TRPS1: variants seen among roughly 807,000 people sequenced by gnomAD.
TRPS1 encodes zinc finger transcription factor Trps1.
In TRPS1, 6 loss-of-function variants were observed where a neutral mutation model predicts 101.2. That is an observed-to-expected ratio of 0.06 (90% CI 0.03 to 0.12). TRPS1 has a LOEUF of 0.12. TRPS1 is among the 10% of genes least tolerant of loss of function. TRPS1 has a pLI of 1.00. For missense variants in TRPS1, 1,363 were observed against 1,567.0 expected, an observed-to-expected ratio of 0.87 and a Z score of 2.20; for synonymous variants, 578 against 589.8, an observed-to-expected ratio of 0.98 and a Z score of 0.29.
At chr8:115,480,433 A>G (rs1258603991) in intron 5 of TRPS1, among the ~76,000 whole-genome samples, 1 of 152,090 alleles carries the variant, frequency 6.6e-6, no homozygotes, top group Admixed American at 6.5e-5. Flanking sequence ...GTCAGTTGTA[A>G]TTTATGCTAT....
At chr8:115,442,491 C>T (rs1287558883) in intron 5 of TRPS1, among the ~76,000 whole-genome samples, 1 of 151,750 alleles carries the variant, frequency 6.6e-6, no homozygotes, top group Non-Finnish European at 1.5e-5. Context: ...TACATACATA[C>T]TTTCTTCTTG....
intron 1 of TRPS1, among the ~76,000 whole-genome samples, chr8:115,662,854 T>C (rs1053146876): frequency 6.6e-6 from 1 of 152,074 alleles, no homozygotes; most frequent in Non-Finnish European, 1.5e-5. Flanking sequence ...TTCATCTATT[T>C]TCCTTCCTCT....
At chr8:115,639,825 T>C (rs1818854925) in intron 1 of TRPS1, among the ~76,000 whole-genome samples, 1 of 152,114 alleles carries the variant, frequency 6.6e-6, no homozygotes, top group Non-Finnish European at 1.5e-5. Context: ...TGAGACCCTA[T>C]CTCAAAAATT....
intron 1 of TRPS1, among the ~76,000 whole-genome samples, chr8:115,650,083 C>T (rs1467855404): frequency 6.6e-6 from 1 of 152,204 alleles, no homozygotes; most frequent in African/African-American, 2.4e-5. Flanking sequence ...CGCCTACTCA[C>T]TTTCAACCAA....
chr8:115,481,455 C>T (rs1218553052), intron 5 of TRPS1, among the ~76,000 whole-genome samples: 1 of 151,538 alleles, frequency 6.6e-6, no homozygotes, highest in Non-Finnish European at 1.5e-5. Context: ...TTTTACTTGT[C>T]CTTAACTATC....
intron 5 of TRPS1, among the ~76,000 whole-genome samples, chr8:115,448,068 T>C (rs1384617844): frequency 2.0e-5 from 3 of 152,124 alleles, no homozygotes; most frequent in Non-Finnish European, 2.9e-5. Context: ...AAAGAAGATA[T>C]ATAGATTCAA....
intron 5 of TRPS1, among the ~76,000 whole-genome samples, chr8:115,526,858 A>T (rs1164422197): frequency 1.3e-5 from 2 of 152,144 alleles, no homozygotes; most frequent in Non-Finnish European, 2.9e-5. Context: ...TTGAACAATA[A>T]CTCAAACTTG....
At chr8:115,610,245 G>A (rs549702704) in intron 3 of TRPS1, among the ~76,000 whole-genome samples, 3 of 151,698 alleles carry the variant, frequency 2.0e-5, no homozygotes, top group Admixed American at 6.6e-5. Context: ...AAAAAGCTAA[G>A]TTGTTAAAAA....
At chr8:115,434,064 G>A (rs531903727) in intron 5 of TRPS1, among the ~76,000 whole-genome samples, 1 of 130 alleles carries the variant, frequency 7.7e-3, no homozygotes, top group South Asian at 0.17. Context: ...AAGTGAATAT[G>A]CAAAAGGCCA....
At chr8:115,483,328 G>T (rs543123571) in intron 5 of TRPS1, among the ~76,000 whole-genome samples, 22 of 151,918 alleles carry the variant, frequency 1.4e-4, no homozygotes, top group African/African-American at 4.8e-4. Context: ...GTCCAGGAGT[G>T]TAAGACCGGC....
chr8:115,501,271 A>G (rs1221942223), intron 5 of TRPS1, among the ~76,000 whole-genome samples: 1 of 152,202 alleles, frequency 6.6e-6, no homozygotes, highest in African/African-American at 2.4e-5. Context: ...AGGCCCAGTG[A>G]ACATGTTCCA....
chr8:115,656,496 G>C (rs1464965648), intron 1 of TRPS1, among the ~76,000 whole-genome samples: 1 of 151,982 alleles, frequency 6.6e-6, no homozygotes, highest in East Asian at 1.9e-4. Context: ...AAAGTTGTGA[G>C]TTCTTTTTTT....
intron 3 of TRPS1, among the ~76,000 whole-genome samples, chr8:115,616,279 T>C (rs528930312): frequency 1.2e-4 from 19 of 152,338 alleles, no homozygotes; most frequent in African/African-American, 4.1e-4. Flanking sequence ...ATCTAATTTA[T>C]ACAAAAGTGG....
At chr8:115,557,045 A>G (rs1326350424) in intron 5 of TRPS1, among the ~76,000 whole-genome samples, 1 of 152,146 alleles carries the variant, frequency 6.6e-6, no homozygotes. Flanking sequence ...GGTGGAAGGC[A>G]AGGAGAAGCA....
chr8:115,601,209 A>G (rs932888947), intron 4 of TRPS1, among the ~76,000 whole-genome samples: 5 of 152,238 alleles, frequency 3.3e-5, no homozygotes, highest in African/African-American at 1.2e-4. Context: ...AAAGCCTAGA[A>G]TATTTCACAG....
At position 115,411,124 on chromosome 8, in the gene TRPS1, A is replaced by G. The variant is rs1285559191; in HGVS notation, c.*2899T>C. ...ATATGTATAATAATGAAAGCAAAAA[A>G]TGAAAATAAAATTATCAATAATAAA... On this transcript the variant is annotated 3_prime_UTR_variant, in exon 7 of 7. Coordinates refer to ENST00000395715, the MANE Select transcript of TRPS1 (RefSeq NM_014112.5). The G allele has an allele frequency of 6.6e-6, 1 of 152,294 alleles. No individual in the cohort carries two copies. The highest frequency in any genetic ancestry group is 1.5e-5 in the Non-Finnish European group (1 of 67,938). The allele number at this position is 152,294 out of a possible 1,614,324, so 9.4% of individuals were successfully genotyped here.
chr8:115,526,558 C>T (rs2130248795), intron 5 of TRPS1, among the ~76,000 whole-genome samples: 1 of 152,166 alleles, frequency 6.6e-6, no homozygotes, highest in African/African-American at 2.4e-5. Context: ...TAGAAAGGGA[C>T]TCAATTCTGA....
At chr8:115,474,999 C>A (rs1475439264) in intron 5 of TRPS1, among the ~76,000 whole-genome samples, 1 of 151,684 alleles carries the variant, frequency 6.6e-6, no homozygotes, top group Admixed American at 6.6e-5. Context: ...TCTTCCTGAA[C>A]AAAAATATGG....
At chr8:115,667,134 G>T (rs1362335431) in intron 1 of TRPS1, among the ~76,000 whole-genome samples, 1 of 152,086 alleles carries the variant, frequency 6.6e-6, no homozygotes, top group Admixed American at 6.5e-5. Flanking sequence ...AAGTAAAGCC[G>T]GTCCTAAAAT....
Sources: gnomAD v4.1 joint callset for allele counts (sites outside exome capture counted in the v4.1 genomes callset) on GRCh38, gnomAD v4.1.1 for gene constraint, MANE v1.5 for transcripts, NCBI Gene and HGNC (gene_info 2026-07-23, HGNC 2026-07-21) for gene names.